DECR1: variants seen among roughly 807,000 people sequenced by gnomAD.
DECR1 encodes the protein 2,4-dienoyl-CoA reductase 1, also known as 2,4-dienoyl-CoA reductase [(3E)-enoyl-CoA-producing], mitochondrial.
DECR1 carries 44 observed loss-of-function variants against 38.8 expected under a neutral mutation model. The ratio of observed to expected loss-of-function variants is 1.13; its 90% CI spans 0.89 to 1.46. The LOEUF (loss-of-function observed/expected upper bound fraction) is 1.46, where lower values mean the gene tolerates loss of function less well. Among genes scored for constraint, DECR1 ranks in the 40% most tolerant of loss-of-function variants. The pLI is 0.00. For missense variants in DECR1, 428 were observed against 405.5 expected (o/e 1.06, Z -0.48); for synonymous variants, 148 against 135.2 (o/e 1.09, Z -0.66).
At chr8:90,050,917 C>T (rs924863027) in intron 8 of DECR1, among the ~76,000 whole-genome samples, 3 of 152,066 alleles carry the variant, frequency 2.0e-5, no homozygotes, top group Non-Finnish European at 4.4e-5. Context: ...AGCAAACTCT[C>T]ACAAAGACAG....
In DECR1 at chr8:90,045,077, A is replaced by G. The variant is rs756498258; in HGVS notation, c.885+82A>G. The G allele has an allele frequency of 7.3e-6, 9 of 1,238,536 alleles. No individual in the cohort carries two copies. The East Asian group carries it at 2.1e-4, about 29-fold the overall frequency. 76.7% of individuals were successfully genotyped at this position (1,238,536 alleles called of 1,614,324 possible). On this transcript the variant is annotated intron_variant, in intron 8 of 9. Transcript: ENST00000220764. Reference sequence around the variant, plus strand: ...GGTCTGTTGTGGAACCAATCCTGACAATGCTGAATGTAAATATCATTTAAA... The same window carrying G: ...GGTCTGTTGTGGAACCAATCCTGACGATGCTGAATGTAAATATCATTTAAA...
At chr8:90,022,540 G>C (rs1813189699) in intron 5 of DECR1, among the ~76,000 whole-genome samples, 2 of 151,964 alleles carry the variant, frequency 1.3e-5, no homozygotes, top group South Asian at 4.1e-4. Flanking sequence ...ATAAGAGTGG[G>C]AAGGGGGGAC....
rs540231906 is a variant in DECR1 at position 90,052,457 on chromosome 8, C to T, written c.*560C>T. ...TATTTAGTACTGAATAAGCTATAGC[C>T]GTTGCCCTTTTTAAATTCATTATCT... On this transcript the variant is annotated 3_prime_UTR_variant, in exon 10 of 10. Coordinates refer to ENST00000220764, the MANE Select transcript of DECR1 (RefSeq NM_001359.2). 3.0e-4 allele frequency among the ~76,000 whole-genome samples: 45 copies of T among 152,104 alleles called. No individual in the cohort carries two copies. Among genetic ancestry groups the T allele is most frequent in the Non-Finnish European group, 5.9e-4 (40 of 67,982 alleles).
chr8:90,036,782 TC>T, intron 5 of DECR1, 58 bp from the exon 6 acceptor site: 3 of 1,068,284 alleles, frequency 2.8e-6, no homozygotes, highest in Non-Finnish European at 4.2e-6. Context: ...AATAATGTTT[TC>T]CTTATGTGTA....
chr8:90,021,570 T>G (rs1813165512), intron 5 of DECR1, among the ~76,000 whole-genome samples: 1 of 152,190 alleles, frequency 6.6e-6, no homozygotes, highest in South Asian at 2.1e-4. Flanking sequence ...GGAAGTATTT[T>G]TGTATAGATT....
Position 90,006,082 on chromosome 8 carries a change from C to G in DECR1, c.69+4521C>G. 6 of 641,380 alleles carry G rather than the reference C, an allele frequency of 9.4e-6. No homozygotes were observed. In the South Asian group the frequency reaches 1.0e-4, roughly 11 times the overall value. The allele number at this position is 641,380 out of a possible 1,614,324, so 39.7% of individuals were successfully genotyped here. A position where few individuals can be genotyped will look rare whatever the true frequency, so the allele number is the denominator to read the frequency against. The stretch of plus-strand genomic sequence containing the variant: ...TTCATGATGGATCTGCCACCATAAC[C>G]CAGGCACCTCCCATTAGACCCCACC... On this transcript the variant is annotated intron_variant, in intron 1 of 9. Transcript: ENST00000220764.
At chr8:90,026,601 G>A (rs1209010682) in intron 5 of DECR1, among the ~76,000 whole-genome samples, 3 of 152,020 alleles carry the variant, frequency 2.0e-5, no homozygotes, top group Non-Finnish European at 4.4e-5. Context: ...GCATCTATTT[G>A]ATTCTTCTCT....
chr8:90,045,912 A>G (rs1813888018), intron 8 of DECR1, among the ~76,000 whole-genome samples: 1 of 152,206 alleles, frequency 6.6e-6, no homozygotes, highest in Non-Finnish European at 1.5e-5. Flanking sequence ...GGTGATACCC[A>G]GGCAAACAGT....
chr8:90,042,858 AG>A, intron 7 of DECR1, 58 bp downstream of exon 7: 1 of 1,412,132 alleles, frequency 7.1e-7, no homozygotes, highest in South Asian at 1.1e-5. Flanking sequence ...AAACACTGAT[AG>A]GTATATTCTG....
Position 90,051,934 on chromosome 8 carries a change from A to T in DECR1, c.*37A>T. On this transcript the variant is annotated 3_prime_UTR_variant, in exon 10 of 10. Coordinates refer to ENST00000220764, the MANE Select transcript of DECR1 (RefSeq NM_001359.2). ...CCTTCATCTTGGTTACAGAAAAGGG[A>T]ATAGAAATGAAACAAATTATCTCTC... 6.5e-7 allele frequency: 1 copy of T among 1,547,112 alleles called. No homozygotes were observed. The highest frequency in any genetic ancestry group is 1.1e-5 in the South Asian group (1 of 88,026).
intron 1 of DECR1, among the ~76,000 whole-genome samples, chr8:90,004,162 A>G (rs1238950216): frequency 6.6e-6 from 1 of 151,980 alleles, no homozygotes; most frequent in Non-Finnish European, 1.5e-5. Context: ...GTCTCTACTG[A>G]AAATATAAAA....
In DECR1 at chr8:90,052,871, C is replaced by T. The variant is rs2130195722; in HGVS notation, c.*974C>T. Among the ~76,000 whole-genome samples the T allele has an allele frequency of 6.6e-6, 1 of 152,274 alleles. No homozygotes were observed. The highest frequency in any genetic ancestry group is 2.1e-4 in the South Asian group (1 of 4,826). On this transcript the variant is annotated 3_prime_UTR_variant, in exon 10 of 10. Coordinates refer to ENST00000220764, the MANE Select transcript of DECR1 (RefSeq NM_001359.2). ...ACATGTTCACTAGACTGACTATCCCCATTGCCCAAGTTGACACAAGAGGAA... is the reference window on the plus strand; with the variant it reads ...ACATGTTCACTAGACTGACTATCCCTATTGCCCAAGTTGACACAAGAGGAA...
chr8:90,041,100 AG>A (rs1358917918), intron 6 of DECR1, among the ~76,000 whole-genome samples: 2 of 152,206 alleles, frequency 1.3e-5, no homozygotes, highest in Admixed American at 6.5e-5. Context: ...ACAGTGTAAA[AG>A]TGTTCCTATT....
At position 90,051,889 on chromosome 8, in the gene DECR1, G is replaced by C; in HGVS notation, c.1000G>C (p.Gly334Arg). 6.2e-7 allele frequency: 1 copy of C among 1,613,676 alleles called. No homozygotes were observed. Among genetic ancestry groups the C allele is most frequent in the Non-Finnish European group, 8.5e-7 (1 of 1,179,812 alleles). ...TIEELIRKTK[G>R]S Reference sequence around the variant, plus strand: ...AGAAGAACTCATCAGGAAGACAAAAGGTTCCTAAGACCACTTTGGCCTTCA... The same window carrying C: ...AGAAGAACTCATCAGGAAGACAAAACGTTCCTAAGACCACTTTGGCCTTCA... The change falls in exon 10 of 10, where the codon GGT (glycine) becomes CGT (arginine). Residue 334 changes from glycine to arginine, a missense_variant. Gly to Arg is a moderately radical substitution (Grantham distance 125, BLOSUM62 -2). Coordinates refer to ENST00000220764, the MANE Select transcript of DECR1 (RefSeq NM_001359.2).
chr8:90,013,671 C>T (rs537881598), intron 1 of DECR1, among the ~76,000 whole-genome samples: 2 of 152,194 alleles, frequency 1.3e-5, no homozygotes. Flanking sequence ...CTTCCATTAT[C>T]TAAATGTTGG....
intron 1 of DECR1, among the ~76,000 whole-genome samples, chr8:90,004,869 T>A (rs1812702793): frequency 6.6e-6 from 1 of 152,206 alleles, no homozygotes; most frequent in Non-Finnish European, 1.5e-5. Context: ...TAAATCACAT[T>A]TCTTGCTATG....
At chr8:90,018,540 T>C (rs1337054437) in intron 2 of DECR1, 1 of 156,650 alleles carries the variant, frequency 6.4e-6, no homozygotes, top group African/African-American at 2.4e-5. Flanking sequence ...ATAGTTTTTT[T>C]TGTAGAATGT....
chr8:90,034,427 T>A (rs913763746), intron 5 of DECR1, among the ~76,000 whole-genome samples: 2 of 151,036 alleles, frequency 1.3e-5, no homozygotes, highest in Admixed American at 6.6e-5. Context: ...CCTTTATTTG[T>A]TTATTTATTT....
intron 6 of DECR1, 26 bp from the exon 7 acceptor site, chr8:90,042,702 T>G: frequency 6.3e-7 from 1 of 1,582,982 alleles, no homozygotes; most frequent in Non-Finnish European, 8.7e-7. Flanking sequence ...TATTTCAGAA[T>G]GTATGTTGTT....
Sources: gnomAD v4.1 joint callset for allele counts (sites outside exome capture counted in the v4.1 genomes callset) on GRCh38, gnomAD v4.1.1 for gene constraint, MANE v1.5 for transcripts, NCBI Gene and HGNC (gene_info 2026-07-23, HGNC 2026-07-21) for gene names.